Variants in NDST4 observed in about 807,000 individuals in gnomAD.
NDST4 encodes N-heparan sulfate sulfotransferase 4.
Under a neutral mutation model 100.8 loss-of-function variants are expected in NDST4, and 63 were observed. That is an observed-to-expected ratio of 0.62 (90% CI 0.51 to 0.77). The LOEUF (loss-of-function observed/expected upper bound fraction) is 0.77. Among genes scored for constraint, NDST4 ranks in the 30% least tolerant of loss-of-function variants. NDST4 has a pLI of 0.00. For synonymous variants in NDST4, 377 were observed against 361.8 expected, an observed-to-expected ratio of 1.04 and a Z score of -0.48; for missense variants, 943 against 1,018.4, an observed-to-expected ratio of 0.93 and a Z score of 1.01.
intron 2 of NDST4, among the ~76,000 whole-genome samples, chr4:115,019,518 G>A (rs1727761932): frequency 6.6e-6 from 1 of 152,126 alleles, no homozygotes; most frequent in Non-Finnish European, 1.5e-5. Context: ...TGCCCTGGCA[G>A]CAGATTCTTA....
intron 3 of NDST4, among the ~76,000 whole-genome samples, chr4:114,974,287 AAC>A (rs1210010055): frequency 3.6e-4 from 54 of 150,410 alleles, no homozygotes; most frequent in African/African-American, 1.3e-3. Context: ...ATATGCAAAA[AAC>A]AAAAAATCAC....
At chr4:114,959,088 T>A (rs10029337) in intron 4 of NDST4, among the ~76,000 whole-genome samples, 19,770 of 152,158 alleles carry the variant, frequency 0.13, 1,752 homozygotes, top group East Asian at 0.42. Flanking sequence ...CTATTACAGT[T>A]TGTAACATGT....
At chr4:114,855,576 T>C (rs1257386241) in intron 7 of NDST4, among the ~76,000 whole-genome samples, 1 of 151,750 alleles carries the variant, frequency 6.6e-6, no homozygotes, top group African/African-American at 2.4e-5. Flanking sequence ...TGAAAATGAG[T>C]TCACTGTAGA....
rs79803308 is a variant in NDST4, at chr4:114,925,647, C to T, written c.1536+9559G>A. Reference sequence around the variant, plus strand: ...TCTACTGTCAATTTCAAGTACACCACTCTTTCAGGCACATATTTTTTGTTC... The same window carrying T: ...TCTACTGTCAATTTCAAGTACACCATTCTTTCAGGCACATATTTTTTGTTC... On this transcript the variant is annotated intron_variant, in intron 6 of 13. Coordinates refer to ENST00000264363, the MANE Select transcript of NDST4 (RefSeq NM_022569.3). 8.3e-3 allele frequency among the ~76,000 whole-genome samples: 1,263 copies of T among 152,268 alleles called. 14 individuals carry two copies. The highest frequency in any genetic ancestry group is 0.024 in the African/African-American group (1,013 of 41,572).
At chr4:114,852,639 A>G in intron 8 of NDST4, 86 bp downstream of exon 8, 1 of 715,006 alleles carries the variant, frequency 1.4e-6, no homozygotes, top group South Asian at 2.1e-5. Flanking sequence ...TCACAAAGAA[A>G]AATCTAATCT....
At chr4:114,925,837 C>A (rs1450373988) in intron 6 of NDST4, among the ~76,000 whole-genome samples, 1 of 152,030 alleles carries the variant, frequency 6.6e-6, no homozygotes, top group Non-Finnish European at 1.5e-5. Flanking sequence ...ACAGAAAATT[C>A]TATTTTTAAT....
intron 1 of NDST4, among the ~76,000 whole-genome samples, chr4:115,090,769 T>C (rs1729504017): frequency 6.6e-6 from 1 of 152,056 alleles, no homozygotes; most frequent in Non-Finnish European, 1.5e-5. Flanking sequence ...AAGAAAGTGT[T>C]AACTAGATAA....
chr4:114,979,838 A>T (rs1030630703), intron 2 of NDST4, among the ~76,000 whole-genome samples: 2 of 151,766 alleles, frequency 1.3e-5, no homozygotes, highest in African/African-American at 4.9e-5. Flanking sequence ...TATAAGTAAA[A>T]ACAAAACGAA....
intron 2 of NDST4, among the ~76,000 whole-genome samples, chr4:115,027,468 C>T (rs568134095): frequency 8.5e-5 from 13 of 152,178 alleles, no homozygotes; most frequent in Admixed American, 2.0e-4. Context: ...GTGATAAAGA[C>T]GACAGCTTAC....
At chr4:115,030,531 A>C (rs1292649899) in intron 2 of NDST4, among the ~76,000 whole-genome samples, 1 of 152,148 alleles carries the variant, frequency 6.6e-6, no homozygotes, top group East Asian at 1.9e-4. Flanking sequence ...CTAACAGAGA[A>C]AGAAGGGAAG....
At chr4:115,051,387 C>T (rs571060766) in intron 2 of NDST4, among the ~76,000 whole-genome samples, 8 of 151,842 alleles carry the variant, frequency 5.3e-5, no homozygotes, top group Non-Finnish European at 8.8e-5. Flanking sequence ...ACCACATTTA[C>T]GTTCTTTTCT....
chr4:114,933,688 G>A (rs1375483570), intron 6 of NDST4, among the ~76,000 whole-genome samples: 2 of 151,720 alleles, frequency 1.3e-5, no homozygotes. Context: ...CTTAAAAATG[G>A]GCAGAAGATT....
intron 6 of NDST4, among the ~76,000 whole-genome samples, chr4:114,897,904 T>C (rs1018058510): frequency 6.6e-6 from 1 of 152,234 alleles, no homozygotes; most frequent in African/African-American, 2.4e-5. Flanking sequence ...ATTTTTAAAA[T>C]CTGGTTGTTT....
At chr4:115,052,411 C>T (rs1258168587) in intron 2 of NDST4, among the ~76,000 whole-genome samples, 4 of 152,098 alleles carry the variant, frequency 2.6e-5, no homozygotes, top group East Asian at 3.9e-4. Context: ...CCTATCCATT[C>T]ATGTTACAGT....
At chr4:114,979,703 G>GAT (rs1198414076) in intron 2 of NDST4, among the ~76,000 whole-genome samples, 1 of 151,932 alleles carries the variant, frequency 6.6e-6, no homozygotes, top group East Asian at 2.0e-4. Context: ...GGCAAAGGCA[G>GAT]ATGGGGGGCT....
intron 2 of NDST4, among the ~76,000 whole-genome samples, chr4:115,064,668 T>A (rs540095542): frequency 4.9e-4 from 74 of 152,218 alleles, no homozygotes; most frequent in African/African-American, 1.7e-3. Flanking sequence ...TTCTTCCTTA[T>A]AACCAATGAA....
At chr4:114,930,368 C>T (rs1725487174) in intron 6 of NDST4, among the ~76,000 whole-genome samples, 1 of 152,104 alleles carries the variant, frequency 6.6e-6, no homozygotes, top group African/African-American at 2.4e-5. Context: ...CCATTAAACC[C>T]AACAGACCTT....
chr4:115,062,506 A>C (rs973493091), intron 2 of NDST4, among the ~76,000 whole-genome samples: 1 of 151,896 alleles, frequency 6.6e-6, no homozygotes, highest in Admixed American at 6.6e-5. Context: ...CTACAATAAA[A>C]TTAAGTTGTT....
intron 2 of NDST4, among the ~76,000 whole-genome samples, chr4:115,000,538 G>A (rs1272687570): frequency 6.6e-6 from 1 of 151,966 alleles, no homozygotes; most frequent in Non-Finnish European, 1.5e-5. Flanking sequence ...TAAAAATAAA[G>A]CAAAATAAAA....
Sources: allele counts gnomAD v4.1 joint callset (sites outside exome capture counted in the v4.1 genomes callset), GRCh38; gene constraint gnomAD v4.1.1; transcripts MANE v1.5; gene names NCBI Gene and HGNC (gene_info 2026-07-23, HGNC 2026-07-21).